Variants in CNTN4 observed in about 807,000 individuals in gnomAD.
The protein encoded by CNTN4 is contactin 4, also known as contactin-4.
CNTN4 carries 77 observed loss-of-function variants against 122.5 expected under a neutral mutation model. The ratio of observed to expected loss-of-function variants is 0.63; its 90% CI spans 0.52 to 0.76. The LOEUF (loss-of-function observed/expected upper bound fraction) is 0.76, where lower values mean the gene tolerates loss of function less well. Among genes scored for constraint, CNTN4 ranks in the 30% least tolerant of loss-of-function variants. The pLI is 0.00. For missense variants in CNTN4, 1,256 were observed against 1,259.1 expected, an observed-to-expected ratio of 1.00 and a Z score of 0.04; for synonymous variants, 512 against 447.0, an observed-to-expected ratio of 1.15 and a Z score of -1.83.
chr3:2,301,731 C>A (rs961838405), intron 2 of CNTN4, among the ~76,000 whole-genome samples: 9 of 152,178 alleles, frequency 5.9e-5, no homozygotes, highest in Non-Finnish European at 1.2e-4. Context: ...CTCAGATGCC[C>A]ACTCTAGTAG....
intron 4 of CNTN4, among the ~76,000 whole-genome samples, chr3:2,638,190 T>G (rs1230218097): frequency 3.9e-5 from 6 of 152,192 alleles, no homozygotes; most frequent in Admixed American, 3.9e-4. Flanking sequence ...TAATGCCCAT[T>G]CTCACATGGC....
chr3:2,328,600 T>C (rs992897492), intron 2 of CNTN4, among the ~76,000 whole-genome samples: 3 of 151,994 alleles, frequency 2.0e-5, no homozygotes, highest in Admixed American at 6.6e-5. Context: ...CGTATACAGT[T>C]GGCCCTCCAT....
intron 6 of CNTN4, among the ~76,000 whole-genome samples, chr3:2,765,120 G>A (rs1469470350): frequency 2.0e-5 from 3 of 152,212 alleles, no homozygotes; most frequent in Non-Finnish European, 2.9e-5. Context: ...ATTTCTAAAT[G>A]CCGTACTGTC....
intron 3 of CNTN4, among the ~76,000 whole-genome samples, chr3:2,371,376 C>A (rs150675768): frequency 5.6e-4 from 85 of 152,230 alleles, no homozygotes; most frequent in African/African-American, 1.6e-3. Flanking sequence ...ACCTTTAACA[C>A]CCTATTTAAA....
intron 13 of CNTN4, among the ~76,000 whole-genome samples, chr3:2,960,388 GT>G (rs1371886855): frequency 1.4e-5 from 2 of 147,636 alleles, no homozygotes; most frequent in South Asian, 2.1e-4. Flanking sequence ...CAGGTTTTGA[GT>G]TTTTTTGTTT....
rs58340498 is a variant in CNTN4 at position 2,328,338 on chromosome 3, G to A, written c.-144-10840G>A. 5.1e-4 allele frequency among the ~76,000 whole-genome samples: 76 copies of A among 148,704 alleles called. 1 individual carries two copies. Among genetic ancestry groups the A allele is most frequent in the Admixed American group, 1.3e-3 (19 of 14,952 alleles). ...GGAGAATGGCGGGAACCCGGGAGGC[G>A]GAGCTTGCGGTGAGCCAAGATGGCG... is the stretch of plus-strand genomic sequence containing the variant. On this transcript the variant is annotated intron_variant, in intron 2 of 24. Transcript: ENST00000418658.
chr3:2,362,085 T>C (rs1053651535), intron 3 of CNTN4, among the ~76,000 whole-genome samples: 12 of 152,188 alleles, frequency 7.9e-5, no homozygotes, highest in African/African-American at 2.9e-4. Context: ...AGGCATGAAC[T>C]TGGTGCATTC....
intron 13 of CNTN4, among the ~76,000 whole-genome samples, chr3:2,956,138 T>C (rs2094797172): frequency 6.6e-6 from 1 of 152,164 alleles, no homozygotes; most frequent in Non-Finnish European, 1.5e-5. Flanking sequence ...CATGCTGCCA[T>C]ATGGATGAAC....
chr3:2,582,088 C>G (rs559991104), intron 4 of CNTN4, among the ~76,000 whole-genome samples: 80 of 152,276 alleles, frequency 5.3e-4, no homozygotes, highest in African/African-American at 1.7e-3. Context: ...GTCACTCAAC[C>G]TCGTGAGTAC....
chr3:2,787,148 G>T (rs184235576), intron 6 of CNTN4, among the ~76,000 whole-genome samples: 1 of 152,088 alleles, frequency 6.6e-6, no homozygotes, highest in African/African-American at 2.4e-5. Flanking sequence ...AGGCCGAGGC[G>T]GGTGGATCAC....
chr3:2,550,938 C>T (rs1281189360), intron 3 of CNTN4, among the ~76,000 whole-genome samples: 3 of 151,880 alleles, frequency 2.0e-5, no homozygotes, highest in African/African-American at 4.8e-5. Context: ...CATCATACAC[C>T]GGGGCCTGTC....
At chr3:3,033,939 A>T (rs1335938846) in intron 16 of CNTN4, among the ~76,000 whole-genome samples, 1 of 152,336 alleles carries the variant, frequency 6.6e-6, no homozygotes, top group East Asian at 1.9e-4. Context: ...AGTTGCAGAA[A>T]CTACAGATGA....
At chr3:2,330,245 G>GT (rs2043662408) in intron 2 of CNTN4, among the ~76,000 whole-genome samples, 2 of 152,174 alleles carry the variant, frequency 1.3e-5, no homozygotes. Flanking sequence ...ATAGGAAAAG[G>GT]TATGTGCGAA....
chr3:2,424,389 A>G (rs572680407), intron 3 of CNTN4, among the ~76,000 whole-genome samples: 128 of 152,194 alleles, frequency 8.4e-4, no homozygotes, highest in African/African-American at 3.0e-3. Context: ...TACAAAGGAC[A>G]TGAACTCATC....
intron 3 of CNTN4, among the ~76,000 whole-genome samples, chr3:2,425,975 A>G (rs1190679311): frequency 6.6e-6 from 1 of 152,146 alleles, no homozygotes; most frequent in African/African-American, 2.4e-5. Flanking sequence ...GGGCTGAGAC[A>G]ATGGGATTTT....
chr3:2,752,125 C>G (rs1206911771), intron 6 of CNTN4, among the ~76,000 whole-genome samples: 3 of 152,002 alleles, frequency 2.0e-5, no homozygotes, highest in African/African-American at 7.2e-5. Flanking sequence ...CCTTTCTGTC[C>G]CTCCATGTCC....
At chr3:2,412,962 A>G (rs2047279960) in intron 3 of CNTN4, among the ~76,000 whole-genome samples, 1 of 152,248 alleles carries the variant, frequency 6.6e-6, no homozygotes, top group Non-Finnish European at 1.5e-5. Context: ...TTACCTTCAG[A>G]GTAGACAGTA....
In CNTN4 at chr3:2,400,449, A is replaced by C. The variant is rs1014048726; in HGVS notation, c.-89+61216A>C. 3.3e-3 allele frequency among the ~76,000 whole-genome samples: 414 copies of C among 124,278 alleles called. 8 individuals carry two copies. Among genetic ancestry groups the C allele is most frequent in the East Asian group, 0.025 (107 of 4,354 alleles). 81.5% of individuals were successfully genotyped at this position (124,278 alleles called of 152,430 possible). A position where few individuals can be genotyped will look rare whatever the true frequency, so the allele number is the denominator to read the frequency against. ...TATACATATATATATATATATATAT[A>C]TCTCTTTTTTTCCTTCTTCTTAAAT... On this transcript the variant is annotated intron_variant, in intron 3 of 24. Transcript: ENST00000418658.
intron 8 of CNTN4, among the ~76,000 whole-genome samples, chr3:2,878,971 C>A (rs1362429248): frequency 6.6e-6 from 1 of 152,122 alleles, no homozygotes; most frequent in Non-Finnish European, 1.5e-5. Flanking sequence ...TTGGTAATAG[C>A]TAAAAGTGGA....
Sources: gnomAD v4.1 joint callset for allele counts (sites outside exome capture counted in the v4.1 genomes callset) on GRCh38, gnomAD v4.1.1 for gene constraint, MANE v1.5 for transcripts, NCBI Gene and HGNC (gene_info 2026-07-23, HGNC 2026-07-21) for gene names.